Variants in SLCO3A1 observed in about 807,000 individuals in gnomAD.
SLCO3A1 encodes the protein PGE1 transporter.
In SLCO3A1, 27 loss-of-function variants were observed where a neutral mutation model predicts 63.1. The ratio of observed to expected loss-of-function variants is 0.43; its 90% CI spans 0.32 to 0.59. The LOEUF (loss-of-function observed/expected upper bound fraction) is 0.59. Among genes scored for constraint, SLCO3A1 ranks in the 20% least tolerant of loss-of-function variants. The pLI is 0.09. For missense variants in SLCO3A1, 773 were observed against 945.8 expected, an observed-to-expected ratio of 0.82 and a Z score of 2.40; for synonymous variants, 473 against 409.9, an observed-to-expected ratio of 1.15 and a Z score of -1.86.
At chr15:91,935,394 G>A (rs1899375184) in intron 2 of SLCO3A1, among the ~76,000 whole-genome samples, 2 of 152,184 alleles carry the variant, frequency 1.3e-5, no homozygotes, top group Non-Finnish European at 2.9e-5. Flanking sequence ...TGGGACCCGA[G>A]GATCAGAGGC....
chr15:92,057,290 C>T (rs527541118), intron 2 of SLCO3A1, among the ~76,000 whole-genome samples: 3 of 152,292 alleles, frequency 2.0e-5, no homozygotes, highest in South Asian at 2.1e-4. Context: ...CCTGGCAGCC[C>T]GTCATTTCAC....
intron 2 of SLCO3A1, among the ~76,000 whole-genome samples, chr15:91,943,591 C>G (rs891261611): frequency 2.0e-5 from 3 of 152,306 alleles, no homozygotes. Flanking sequence ...AATTCTCTTG[C>G]TTACACCCAG....
In SLCO3A1 at chr15:91,875,864, T is replaced by G. The variant is rs1444655610; in HGVS notation, c.180+21776T>G. 2.0e-5 allele frequency among the ~76,000 whole-genome samples: 3 copies of G among 152,244 alleles called. No homozygotes were observed. Among genetic ancestry groups the G allele is most frequent in the African/African-American group, 7.2e-5 (3 of 41,472 alleles). The stretch of plus-strand genomic sequence containing the variant: ...ATTTATGTATATATTATCATCATCA[T>G]GTGACAGAAACCATATTGCCTGCAA... On this transcript the variant is annotated intron_variant, in intron 1 of 9. Coordinates refer to ENST00000318445, the MANE Select transcript of SLCO3A1 (RefSeq NM_013272.4). The surrounding 1 kb of genome is among the most constrained non-coding windows in gnomAD (Gnocchi z 4.5).
At position 91,954,063 on chromosome 15, in the gene SLCO3A1, G is replaced by A. The variant is rs1398966415; in HGVS notation, c.646+37605G>A. 6.6e-6 allele frequency among the ~76,000 whole-genome samples: 1 copy of A among 152,172 alleles called. No individual in the cohort carries two copies. Among genetic ancestry groups the A allele is most frequent in the African/African-American group, 2.4e-5 (1 of 41,444 alleles). On this transcript the variant is annotated intron_variant, in intron 2 of 9. Coordinates refer to ENST00000318445, the MANE Select transcript of SLCO3A1 (RefSeq NM_013272.4). The surrounding 1 kb of genome is among the most constrained non-coding windows in gnomAD (Gnocchi z 4.7). ...CTGAGGATACACAGGTGTGTGTTCTGTTAGCCATGGGCGATGTCTTCACAG... is the reference window on the plus strand; with the variant it reads ...CTGAGGATACACAGGTGTGTGTTCTATTAGCCATGGGCGATGTCTTCACAG...
chr15:91,905,832 T>A (rs1898288099), intron 1 of SLCO3A1, among the ~76,000 whole-genome samples: 1 of 137,096 alleles, frequency 7.3e-6, no homozygotes, highest in Admixed American at 7.6e-5. Context: ...ATATAACTTT[T>A]AACAATAAGT....
At chr15:91,880,381 TTC>T (rs71464533) in intron 1 of SLCO3A1, among the ~76,000 whole-genome samples, 226 of 121,354 alleles carry the variant, frequency 1.9e-3, no homozygotes, top group African/African-American at 3.1e-3. Flanking sequence ...GCACTCGTGC[TTC>T]TCTCTCTCTC....
At chr15:91,933,796 G>A (rs906526135) in intron 2 of SLCO3A1, among the ~76,000 whole-genome samples, 4 of 152,206 alleles carry the variant, frequency 2.6e-5, no homozygotes, top group Admixed American at 6.5e-5. Flanking sequence ...AGGTCTCAGA[G>A]CTAGTAAGTA....
chr15:92,045,936 T>G (rs1477495237), intron 2 of SLCO3A1, among the ~76,000 whole-genome samples: 3 of 152,158 alleles, frequency 2.0e-5, no homozygotes, highest in African/African-American at 7.2e-5. Context: ...CATCGCTCTG[T>G]CCTCTCGTGA....
At chr15:91,964,472 A>C (rs1199364143) in intron 2 of SLCO3A1, among the ~76,000 whole-genome samples, 1 of 151,520 alleles carries the variant, frequency 6.6e-6, no homozygotes, top group Non-Finnish European at 1.5e-5. Context: ...AACAGGTTTT[A>C]CTAATATGTG....
At position 91,854,576 on chromosome 15, in the gene SLCO3A1, T is replaced by C. The variant is rs1299714673; in HGVS notation, c.180+488T>C. Among the ~76,000 whole-genome samples the C allele has an allele frequency of 6.6e-6, 1 of 152,034 alleles. No homozygotes were observed. The highest frequency in any genetic ancestry group is 1.5e-5 in the Non-Finnish European group (1 of 68,016). On this transcript the variant is annotated intron_variant, in intron 1 of 9. Coordinates refer to ENST00000318445, the MANE Select transcript of SLCO3A1 (RefSeq NM_013272.4). The surrounding 1 kb of genome is among the most constrained non-coding windows in gnomAD (Gnocchi z 6.4). ...TCATTTTCTCCGGGCGCTTTCTACA[T>C]CCGCCAATTACAGGGGGATATAACA...
chr15:92,003,810 G>C (rs1358323682), intron 2 of SLCO3A1, among the ~76,000 whole-genome samples: 1 of 152,192 alleles, frequency 6.6e-6, no homozygotes, highest in Non-Finnish European at 1.5e-5. Flanking sequence ...GCCTGGCCAG[G>C]CTGTGGGTCG....
chr15:91,943,452 G>C (rs6496879), intron 2 of SLCO3A1, among the ~76,000 whole-genome samples: 1 of 152,028 alleles, frequency 6.6e-6, no homozygotes, highest in Non-Finnish European at 1.5e-5. Context: ...TTTCATTGTA[G>C]GTGTAAACCA....
At chr15:92,093,442 A>G (rs74370572) in intron 2 of SLCO3A1, among the ~76,000 whole-genome samples, 2 of 152,162 alleles carry the variant, frequency 1.3e-5, no homozygotes, top group East Asian at 3.9e-4. Context: ...GTCTGCCCCC[A>G]TGATCTAATA....
intron 1 of SLCO3A1, among the ~76,000 whole-genome samples, chr15:91,858,807 T>C (rs1896984831): frequency 6.6e-6 from 1 of 152,218 alleles, no homozygotes; most frequent in African/African-American, 2.4e-5. Flanking sequence ...TTTGCACACC[T>C]AAAAGCAAAC....
intron 2 of SLCO3A1, among the ~76,000 whole-genome samples, chr15:91,969,496 G>A (rs1166284559): frequency 6.6e-6 from 1 of 151,906 alleles, no homozygotes; most frequent in Non-Finnish European, 1.5e-5. Flanking sequence ...AGTAAAGTAG[G>A]GGGTTTCTCC....
intron 7 of SLCO3A1, among the ~76,000 whole-genome samples, chr15:92,136,211 A>C (rs1429206395): frequency 6.6e-6 from 1 of 152,220 alleles, no homozygotes; most frequent in Non-Finnish European, 1.5e-5. Flanking sequence ...CTACCTTTCA[A>C]GTTTCCATAG....
At chr15:92,018,353 T>C (rs1364595727) in intron 2 of SLCO3A1, among the ~76,000 whole-genome samples, 1 of 152,190 alleles carries the variant, frequency 6.6e-6, no homozygotes, top group Non-Finnish European at 1.5e-5. Flanking sequence ...GCCCTGGTGA[T>C]GGTTCAGAGC....
At chr15:92,020,195 T>C (rs1298450042) in intron 2 of SLCO3A1, among the ~76,000 whole-genome samples, 1 of 151,608 alleles carries the variant, frequency 6.6e-6, no homozygotes, top group Non-Finnish European at 1.5e-5. Context: ...GATGTGTGCA[T>C]GTGTATATAT....
At chr15:92,020,438 G>T (rs1025237848) in intron 2 of SLCO3A1, among the ~76,000 whole-genome samples, 7 of 152,224 alleles carry the variant, frequency 4.6e-5, no homozygotes, top group African/African-American at 1.7e-4. Context: ...AACCATGTGG[G>T]CTGGCCCACT....
Sources: gnomAD v4.1 joint callset for allele counts (sites outside exome capture counted in the v4.1 genomes callset) on GRCh38, gnomAD v4.1.1 for gene constraint, Gnocchi (gnomAD v3.1) non-coding constraint, MANE v1.5 for transcripts, NCBI Gene and HGNC (gene_info 2026-07-23, HGNC 2026-07-21) for gene names.